The following GPHN variants were observed in gnomAD, a reference collection of about 807,000 sequenced individuals.
GPHN encodes gephyrin.
Under a neutral mutation model 95.5 loss-of-function variants are expected in GPHN, and 17 were observed. That is an observed-to-expected ratio of 0.18 (90% CI 0.12 to 0.27). GPHN has a LOEUF of 0.27. Among genes scored for constraint, GPHN ranks in the 10% least tolerant of loss-of-function variants. The pLI is 1.00. For missense variants in GPHN, 660 were observed against 978.1 expected (o/e 0.67, Z 4.34); for synonymous variants, 320 against 322.5 (o/e 0.99, Z 0.08).
At chr14:66,685,144 T>C (rs1180970056) in intron 2 of GPHN, among the ~76,000 whole-genome samples, 1 of 152,240 alleles carries the variant, frequency 6.6e-6, no homozygotes, top group African/African-American at 2.4e-5. Context: ...TAATCCAGTC[T>C]ATCATTGATG....
At chr14:67,598,247 A>T in the GPHN span, among the ~76,000 whole-genome samples, 1 of 152,302 alleles carries the variant, frequency 6.6e-6, no homozygotes, top group African/African-American at 2.4e-5. Flanking sequence ...GTAGAGTTTA[A>T]AGGAAGATGC....
the GPHN span, among the ~76,000 whole-genome samples, chr14:67,545,065 T>G: frequency 6.6e-6 from 1 of 152,234 alleles, no homozygotes; most frequent in East Asian, 1.9e-4. Context: ...AACAATGGCT[T>G]AAACCAGGCT....
the GPHN span, among the ~76,000 whole-genome samples, chr14:67,355,615 C>T: frequency 6.6e-6 from 1 of 152,146 alleles, no homozygotes; most frequent in South Asian, 2.1e-4. Context: ...GAGACTAGAA[C>T]AGCCAAAGGA....
At chr14:67,662,423 T>C in the GPHN span, 1,324 of 1,448,526 alleles carry the variant, frequency 9.1e-4, 42 homozygotes, top group East Asian at 0.03. Flanking sequence ...TAGCATTACT[T>C]CTGGAAAAGA....
At chr14:66,978,374 G>A (rs1049401185) in intron 9 of GPHN, among the ~76,000 whole-genome samples, 3 of 152,182 alleles carry the variant, frequency 2.0e-5, no homozygotes, top group African/African-American at 7.2e-5. Flanking sequence ...CAAAATTGGA[G>A]TCAATCCTCT....
At chr14:67,266,034 C>T in the GPHN span, among the ~76,000 whole-genome samples, 1 of 152,048 alleles carries the variant, frequency 6.6e-6, no homozygotes, top group Non-Finnish European at 1.5e-5. Flanking sequence ...TCTCAAACTC[C>T]TGGTCTCAGT....
chr14:67,685,289 T>A, the GPHN span: 3 of 1,102,652 alleles, frequency 2.7e-6, no homozygotes, highest in Non-Finnish European at 3.9e-6. Context: ...TAAATAAGCA[T>A]GTGACCTTCA....
the GPHN span, among the ~76,000 whole-genome samples, chr14:67,512,678 C>T: frequency 6.6e-6 from 1 of 152,146 alleles, no homozygotes; most frequent in South Asian, 2.1e-4. Flanking sequence ...CTGCCCTTAC[C>T]CAGGTCTTTC....
At chr14:66,975,653 G>C (rs1004398081) in intron 9 of GPHN, among the ~76,000 whole-genome samples, 2 of 151,938 alleles carry the variant, frequency 1.3e-5, no homozygotes, top group African/African-American at 4.8e-5. Flanking sequence ...GCCAAGGAGG[G>C]AGGATCACTG....
intron 11 of GPHN, among the ~76,000 whole-genome samples, chr14:67,088,325 T>C (rs2076991836): frequency 6.6e-6 from 1 of 152,196 alleles, no homozygotes; most frequent in African/African-American, 2.4e-5. Flanking sequence ...TGTATGTTCT[T>C]TCCTTTTCTA....
chr14:67,618,858 AAACT>A, the GPHN span, among the ~76,000 whole-genome samples: 1 of 152,222 alleles, frequency 6.6e-6, no homozygotes, highest in Non-Finnish European at 1.5e-5. Flanking sequence ...TAGGGTACTA[AAACT>A]CCTTTGGAGT....
chr14:67,635,025 G>T, the GPHN span, among the ~76,000 whole-genome samples: 2 of 152,072 alleles, frequency 1.3e-5, no homozygotes, highest in Non-Finnish European at 2.9e-5. Flanking sequence ...AGGGTGGATC[G>T]CCTGAGGCCA....
the GPHN span, among the ~76,000 whole-genome samples, chr14:67,286,683 C>T: frequency 6.8e-6 from 1 of 147,032 alleles, no homozygotes; most frequent in Non-Finnish European, 1.5e-5. Flanking sequence ...TGGTGAAACT[C>T]CATCTCTACC....
the GPHN span, among the ~76,000 whole-genome samples, chr14:67,373,513 G>A: frequency 1.3e-5 from 2 of 152,198 alleles, no homozygotes; most frequent in Non-Finnish European, 2.9e-5. Flanking sequence ...GATAAAGAGT[G>A]TCTAGAAAAA....
intron 17 of GPHN, among the ~76,000 whole-genome samples, chr14:67,123,627 G>A (rs541105122): frequency 6.6e-6 from 1 of 152,292 alleles, no homozygotes; most frequent in Non-Finnish European, 1.5e-5. Context: ...AGTGAGCTGA[G>A]ATCGTAACAC....
chr14:67,184,125 TA>T (rs2083356428), downstream of GPHN, among the ~76,000 whole-genome samples: 1 of 152,186 alleles, frequency 6.6e-6, no homozygotes, highest in Admixed American at 6.5e-5. Context: ...ACACTCAGCC[TA>T]CAGTCTATCT....
chr14:66,924,913 C>T (rs188563507), intron 8 of GPHN, among the ~76,000 whole-genome samples: 7 of 150,978 alleles, frequency 4.6e-5, no homozygotes, highest in Admixed American at 1.3e-4. Context: ...ACATAAAAAT[C>T]ATTAAACAGT....
chr14:66,727,751 G>C (rs186758426), intron 2 of GPHN, among the ~76,000 whole-genome samples: 1 of 152,112 alleles, frequency 6.6e-6, no homozygotes, highest in Non-Finnish European at 1.5e-5. Context: ...GTTTTAAAAG[G>C]GAAACAGAAC....
chr14:67,435,211 C>T, the GPHN span, among the ~76,000 whole-genome samples: 1 of 152,172 alleles, frequency 6.6e-6, no homozygotes, highest in African/African-American at 2.4e-5. Flanking sequence ...AGGTGATCCA[C>T]CTGCCTCAGC....
Sources: gnomAD v4.1 joint callset for allele counts (sites outside exome capture counted in the v4.1 genomes callset) on GRCh38, gnomAD v4.1.1 for gene constraint, MANE v1.5 for transcripts, NCBI Gene and HGNC (gene_info 2026-07-23, HGNC 2026-07-21) for gene names.